TUSC3: variants seen among roughly 807,000 people sequenced by gnomAD.
The protein encoded by TUSC3 is dolichyl-diphosphooligosaccharide--protein glycosyltransferase subunit TUSC3.
Under a neutral mutation model 44.8 loss-of-function variants are expected in TUSC3, and 45 were observed. That is an observed-to-expected ratio of 1.00 (90% confidence interval 0.79 to 1.29). The LOEUF is 1.29. Ranked by LOEUF, TUSC3 falls within the 50% of genes most tolerant of loss-of-function variation. The pLI is 0.00. For missense variants in TUSC3, 519 were observed against 437.9 expected, an observed-to-expected ratio of 1.19 and a Z score of -1.65; for synonymous variants, 212 against 152.9, an observed-to-expected ratio of 1.39 and a Z score of -2.85.
intron 6 of TUSC3, among the ~76,000 whole-genome samples, chr8:15,721,546 A>T (rs979786345): frequency 2.0e-4 from 31 of 152,170 alleles, no homozygotes; most frequent in African/African-American, 7.2e-4. Context: ...AGATTTATGT[A>T]TTTTCTGTAT....
At chr8:15,633,008 C>T (rs535576937) in intron 2 of TUSC3, among the ~76,000 whole-genome samples, 2 of 152,162 alleles carry the variant, frequency 1.3e-5, no homozygotes, top group Admixed American at 1.3e-4. Context: ...AAAGCAAAAA[C>T]TTAGCTAGGT....
At chr8:15,565,207 G>A (rs1335631360) in intron 1 of TUSC3, among the ~76,000 whole-genome samples, 2 of 151,412 alleles carry the variant, frequency 1.3e-5, no homozygotes, top group East Asian at 2.0e-4. Flanking sequence ...GAGGCTGCTG[G>A]CATTCCTCAT....
chr8:15,571,527 G>A (rs986497285), intron 1 of TUSC3, among the ~76,000 whole-genome samples: 23 of 152,154 alleles, frequency 1.5e-4, no homozygotes, highest in Non-Finnish European at 2.8e-4. Flanking sequence ...TGAGCCTTCA[G>A]TGAGTTATAA....
intron 6 of TUSC3, among the ~76,000 whole-genome samples, chr8:15,682,070 C>T (rs1016432853): frequency 6.6e-6 from 1 of 152,058 alleles, no homozygotes; most frequent in Non-Finnish European, 1.5e-5. Flanking sequence ...TTAAGATTTA[C>T]TTTGTGACCA....
intron 2 of TUSC3, among the ~76,000 whole-genome samples, chr8:15,491,536 A>G (rs1033767127): frequency 6.6e-6 from 1 of 152,148 alleles, no homozygotes; most frequent in Non-Finnish European, 1.5e-5. Context: ...TAGTCAAGAG[A>G]TAGAGTTAAA....
the TUSC3 span, among the ~76,000 whole-genome samples, chr8:15,809,536 A>G: frequency 2.0e-5 from 3 of 152,178 alleles, no homozygotes; most frequent in East Asian, 1.9e-4. Context: ...CTAGTCCTAT[A>G]TATGTTGTTT....
chr8:15,485,849 A>G (rs1007341006), intron 2 of TUSC3, among the ~76,000 whole-genome samples: 9 of 151,948 alleles, frequency 5.9e-5, no homozygotes, highest in African/African-American at 1.2e-4. Context: ...CTGGAGTGCA[A>G]TGGTGCGATG....
chr8:15,797,879 G>A, the TUSC3 span, among the ~76,000 whole-genome samples: 1 of 152,186 alleles, frequency 6.6e-6, no homozygotes, highest in Non-Finnish European at 1.5e-5. Context: ...TCAAGTTGAT[G>A]ACTCCTGTGA....
intron 1 of TUSC3, among the ~76,000 whole-genome samples, chr8:15,421,959 G>A (rs1196254019): frequency 6.6e-6 from 1 of 152,036 alleles, no homozygotes; most frequent in African/African-American, 2.4e-5. Flanking sequence ...TCTTCTCTAG[G>A]AGCCAGTGTC....
intron 1 of TUSC3, among the ~76,000 whole-genome samples, chr8:15,482,996 C>G (rs1482504924): frequency 6.7e-6 from 1 of 148,924 alleles, no homozygotes; most frequent in Non-Finnish European, 1.5e-5. Context: ...AATATCAAGT[C>G]AAAAGAATGA....
intron 1 of TUSC3, among the ~76,000 whole-genome samples, chr8:15,445,558 G>A (rs1415033516): frequency 2.0e-5 from 3 of 152,126 alleles, no homozygotes; most frequent in African/African-American, 7.2e-5. Context: ...GTTTAACAAA[G>A]CACATCTTGC....
At chr8:15,660,852 T>C (rs1001432848) in intron 4 of TUSC3, among the ~76,000 whole-genome samples, 11 of 151,108 alleles carry the variant, frequency 7.3e-5, no homozygotes, top group South Asian at 4.2e-4. Context: ...TCAGAACTTA[T>C]TCTAACCTGT....
chr8:15,679,418 G>T (rs1306038418), intron 6 of TUSC3, among the ~76,000 whole-genome samples: 1 of 152,040 alleles, frequency 6.6e-6, no homozygotes, highest in Non-Finnish European at 1.5e-5. Flanking sequence ...ACACGTATCA[G>T]TTCATATCCT....
At chr8:15,586,457 G>T (rs1311687445) in intron 1 of TUSC3, among the ~76,000 whole-genome samples, 1 of 152,122 alleles carries the variant, frequency 6.6e-6, no homozygotes, top group African/African-American at 2.4e-5. Context: ...AGTAAGATAG[G>T]AGAGTGGGAT....
At chr8:15,613,033 C>A (rs930351320) in intron 1 of TUSC3, among the ~76,000 whole-genome samples, 1 of 148,754 alleles carries the variant, frequency 6.7e-6, no homozygotes, top group East Asian at 2.0e-4. Context: ...CTACAGCCAT[C>A]GCATATCAAT....
downstream of TUSC3, among the ~76,000 whole-genome samples, chr8:15,768,485 G>A (rs1351068058): frequency 6.6e-6 from 1 of 152,078 alleles, no homozygotes; most frequent in Admixed American, 6.6e-5. Flanking sequence ...GGCAGCACAG[G>A]CATTGGACTT....
chr8:15,540,560 A>G lies in TUSC3; in HGVS notation c.130A>G (p.Lys44Glu), dbSNP rs1801647721. Reference protein sequence around the residue: ...LCIQLGGGQKKKENLLAEKVE... With the variant: ...LCIQLGGGQKEKENLLAEKVE... ...CATCCAGCTCGGGGGAGGACAGAAG[A>G]AAAAGGAGGTAGAATGGATCCCCTT... Residue 44 changes from lysine (K) to glutamate (E), a missense_variant, in exon 1 of 11, where the codon AAA becomes GAA. By Grantham distance (56) the Lys-to-Glu change is moderately conservative. Coordinates refer to ENST00000503731, the MANE Select transcript of TUSC3 (RefSeq NM_006765.4). 6.3e-7 allele frequency: 1 copy of G among 1,587,014 alleles called. No individual in the cohort carries two copies. The highest frequency in any genetic ancestry group is 2.4e-5 in the East Asian group (1 of 41,780).
At chr8:15,851,745 TA>T in the TUSC3 span, among the ~76,000 whole-genome samples, 2 of 152,198 alleles carry the variant, frequency 1.3e-5, no homozygotes, top group Non-Finnish European at 2.9e-5. Context: ...AGCATTCCAG[TA>T]TAAGCTTTCT....
intron 6 of TUSC3, among the ~76,000 whole-genome samples, chr8:15,693,895 C>A (rs1809031840): frequency 6.6e-6 from 1 of 151,940 alleles, no homozygotes; most frequent in South Asian, 2.1e-4. Flanking sequence ...AGTCTTTGAC[C>A]TCTGAGATTC....
Sources: allele counts gnomAD v4.1 joint callset (sites outside exome capture counted in the v4.1 genomes callset), GRCh38; gene constraint gnomAD v4.1.1; transcripts MANE v1.5; gene names NCBI Gene and HGNC (gene_info 2026-07-23, HGNC 2026-07-21).